TYW1B: variants seen among roughly 807,000 people sequenced by gnomAD.
TYW1B encodes S-adenosyl-L-methionine-dependent tRNA 4-demethylwyosine synthase TYW1B.
Under a neutral mutation model 86.9 loss-of-function variants are expected in TYW1B, and 73 were observed. That is an observed-to-expected ratio of 0.84 (90% CI 0.70 to 1.02). TYW1B has a LOEUF of 1.02. TYW1B is among the 50% of genes least tolerant of loss of function. The pLI is 0.00. For synonymous variants in TYW1B, 248 were observed against 292.8 expected (o/e 0.85, Z 1.56); for missense variants, 637 against 827.4 (o/e 0.77, Z 2.82).
intron 6 of TYW1B, among the ~76,000 whole-genome samples, chr7:72,799,890 T>C (rs1788375663): frequency 6.6e-6 from 1 of 152,210 alleles, no homozygotes; most frequent in South Asian, 2.1e-4. Flanking sequence ...TAAAACACTT[T>C]AAAGTCATTC....
intron 7 of TYW1B, among the ~76,000 whole-genome samples, chr7:72,776,973 G>C (rs1279962240): frequency 1.3e-5 from 2 of 151,862 alleles, no homozygotes; most frequent in African/African-American, 4.8e-5. Context: ...AAAGGAGGTC[G>C]GTCTACTGAT....
At chr7:72,683,768 C>G (rs1813940148) in intron 11 of TYW1B, among the ~76,000 whole-genome samples, 3 of 152,180 alleles carry the variant, frequency 2.0e-5, no homozygotes, top group African/African-American at 7.2e-5. Flanking sequence ...ATAGCACAAG[C>G]ATCCAAACCA....
intron 13 of TYW1B, among the ~76,000 whole-genome samples, chr7:72,590,061 G>T (rs1811360584): frequency 6.6e-6 from 1 of 152,178 alleles, no homozygotes; most frequent in East Asian, 1.9e-4. Context: ...TGCTGGAGTA[G>T]AAAGCACGAG....
chr7:72,590,534 A>C (rs530329904), intron 13 of TYW1B, among the ~76,000 whole-genome samples: 2 of 152,296 alleles, frequency 1.3e-5, no homozygotes, highest in African/African-American at 2.4e-5. Flanking sequence ...TAAGACATTA[A>C]AAAATAAACA....
At position 72,797,413 on chromosome 7, in the gene TYW1B, C is replaced by A. The variant is rs1186301335; in HGVS notation, c.846+4987G>T. ...CTGATGTGCCTGGATTCCAAGAGGA[C>A]AGGACACAGAAGCTCTGTGTCTCTC... is the stretch of plus-strand genomic sequence containing the variant. On this transcript the variant is annotated intron_variant, in intron 6 of 13. Transcript: ENST00000620995. Among the ~76,000 whole-genome samples, 3 of 152,144 alleles carry A rather than the reference C, an allele frequency of 2.0e-5. No individual in the cohort carries two copies. The East Asian group carries it at 5.8e-4, about 29-fold the overall frequency.
Position 72,658,095 on chromosome 7 carries a change from A to C in TYW1B, c.1507-29098T>G, listed in dbSNP as rs1813247166. On this transcript the variant is annotated intron_variant, in intron 11 of 13. Coordinates refer to ENST00000620995, the MANE Select transcript of TYW1B (RefSeq NM_001145440.3). Reference sequence around the variant, plus strand: ...ACAGTGAAACCCCGTCTCTACTAAAAAAATACAAAAAAATTAGCCAGGTGT... The same window carrying C: ...ACAGTGAAACCCCGTCTCTACTAAACAAATACAAAAAAATTAGCCAGGTGT... Among the ~76,000 whole-genome samples the C allele has an allele frequency of 5.3e-5, 8 of 152,154 alleles. No homozygotes were observed. In the South Asian group the frequency reaches 1.7e-3, roughly 32 times the overall value.
chr7:72,803,481 T>C (rs1407741381), intron 5 of TYW1B, among the ~76,000 whole-genome samples: 20 of 152,226 alleles, frequency 1.3e-4, no homozygotes, highest in Non-Finnish European at 2.6e-4. Flanking sequence ...ACTTATGATG[T>C]AGACAGGTTC....
At chr7:72,671,564 C>G (rs1426189855) in intron 11 of TYW1B, among the ~76,000 whole-genome samples, 1 of 152,114 alleles carries the variant, frequency 6.6e-6, no homozygotes, top group Non-Finnish European at 1.5e-5. Context: ...AAAGATGAAG[C>G]TGAAGCAATT....
chr7:72,735,832 T>C (rs1326484897), intron 8 of TYW1B, among the ~76,000 whole-genome samples: 1 of 147,626 alleles, frequency 6.8e-6, no homozygotes, highest in Admixed American at 6.8e-5. Flanking sequence ...ATCAGGCCAC[T>C]GCACTCCAGC....
chr7:72,717,052 G>A (rs1242063994), intron 9 of TYW1B, among the ~76,000 whole-genome samples: 2 of 152,028 alleles, frequency 1.3e-5, no homozygotes, highest in East Asian at 3.9e-4. Flanking sequence ...TGTAATCCCA[G>A]CACTTAGTGA....
intron 9 of TYW1B, among the ~76,000 whole-genome samples, chr7:72,718,824 G>A (rs1397800036): frequency 2.0e-5 from 3 of 152,110 alleles, no homozygotes; most frequent in Non-Finnish European, 4.4e-5. Flanking sequence ...GGTTGAACCT[G>A]AACTCCAAAA....
chr7:72,809,278 C>T (rs1363729843), intron 4 of TYW1B, among the ~76,000 whole-genome samples: 3 of 151,580 alleles, frequency 2.0e-5, no homozygotes, highest in Non-Finnish European at 2.9e-5. Context: ...CTCCTGACCT[C>T]GTGATCCGCC....
In TYW1B at chr7:72,828,144, GAGACGCACCGAGCTA is replaced by G. The variant is rs1563109201; in HGVS notation, c.-84_-70del. The G allele has an allele frequency of 1.2e-5, 19 of 1,604,878 alleles. No homozygotes were observed. Among genetic ancestry groups the G allele is most frequent in the Non-Finnish European group, 1.6e-5 (19 of 1,176,062 alleles). The stretch of plus-strand genomic sequence containing the variant: ...GCCCAAAGGTTCGCACTGGTACTGC[GAGACGCACCGAGCTA>G]CCTCGCGGCGTTAGCGCCGTACCGA... On this transcript the variant is annotated 5_prime_UTR_variant, in exon 1 of 14. Coordinates refer to ENST00000620995, the MANE Select transcript of TYW1B (RefSeq NM_001145440.3).
intron 11 of TYW1B, among the ~76,000 whole-genome samples, chr7:72,663,836 C>T (rs1214138606): frequency 2.0e-5 from 3 of 149,038 alleles, no homozygotes; most frequent in Non-Finnish European, 4.4e-5. Flanking sequence ...CTTGGAGTCT[C>T]GGACTCATGT....
At chr7:72,620,999 T>C (rs1812199902) in intron 12 of TYW1B, among the ~76,000 whole-genome samples, 1 of 152,164 alleles carries the variant, frequency 6.6e-6, no homozygotes, top group Non-Finnish European at 1.5e-5. Context: ...CTGGTAGCTT[T>C]TGGACCCACC....
chr7:72,739,163 A>G (rs1787255130), intron 8 of TYW1B, among the ~76,000 whole-genome samples: 1 of 152,198 alleles, frequency 6.6e-6, no homozygotes, highest in Admixed American at 6.5e-5. Flanking sequence ...AAGTATGTAC[A>G]GATAAAACAA....
At chr7:72,781,423 T>C (rs1189821566) in intron 6 of TYW1B, among the ~76,000 whole-genome samples, 1 of 152,106 alleles carries the variant, frequency 6.6e-6, no homozygotes, top group Admixed American at 6.6e-5. Context: ...ACTAATTATA[T>C]TGCCTCATGG....
intron 9 of TYW1B, among the ~76,000 whole-genome samples, chr7:72,726,270 A>C (rs1289722006): frequency 6.6e-6 from 1 of 152,208 alleles, no homozygotes; most frequent in Non-Finnish European, 1.5e-5. Flanking sequence ...ATGTACAAAA[A>C]AAAGTCAGCC....
chr7:72,810,087 G>A (rs1395153386), intron 4 of TYW1B, among the ~76,000 whole-genome samples: 5 of 151,270 alleles, frequency 3.3e-5, no homozygotes, highest in Non-Finnish European at 4.4e-5. Flanking sequence ...CAACTAGCCT[G>A]GCTGGCATGG....
Sources: allele counts gnomAD v4.1 joint callset (sites outside exome capture counted in the v4.1 genomes callset), GRCh38; gene constraint gnomAD v4.1.1; transcripts MANE v1.5; gene names NCBI Gene and HGNC (gene_info 2026-07-23, HGNC 2026-07-21).